SRBD1: variants seen among roughly 807,000 people sequenced by gnomAD.
The protein encoded by SRBD1 is S1 RNA-binding domain-containing protein 1.
A neutral mutation model predicts 115.3 loss-of-function variants in SRBD1; 88 were observed. The ratio of observed to expected loss-of-function variants is 0.76; its 90% CI spans 0.64 to 0.91. SRBD1 has a LOEUF of 0.91. Among genes scored for constraint, SRBD1 ranks in the 40% least tolerant of loss-of-function variants. The pLI, the probability that SRBD1 is intolerant of heterozygous loss-of-function variation, is 0.00. For missense variants in SRBD1, 1,385 were observed against 1,177.4 expected, an observed-to-expected ratio of 1.18 and a Z score of -2.58; for synonymous variants, 509 against 407.7, an observed-to-expected ratio of 1.25 and a Z score of -2.99.
chr2:45,482,495 A>G (rs745607070), intron 15 of SRBD1, among the ~76,000 whole-genome samples: 19 of 152,056 alleles, frequency 1.2e-4, no homozygotes, highest in Middle Eastern at 3.2e-3. Context: ...GAAAGGGTAC[A>G]TAATTGTAGT....
At chr2:45,450,138 T>A (rs1245988376) in intron 16 of SRBD1, among the ~76,000 whole-genome samples, 1 of 152,144 alleles carries the variant, frequency 6.6e-6, no homozygotes, top group African/African-American at 2.4e-5. Flanking sequence ...ATTCATCTCG[T>A]GAGAGTGTTA....
At chr2:45,483,000 T>C (rs1670013363) in intron 15 of SRBD1, among the ~76,000 whole-genome samples, 2 of 152,172 alleles carry the variant, frequency 1.3e-5, no homozygotes, top group Admixed American at 6.5e-5. Flanking sequence ...TTCAATCCAC[T>C]GTTGAATCCG....
In SRBD1 at chr2:45,581,769, T is replaced by C. The variant is rs754905483; in HGVS notation, c.857A>G (p.Lys286Arg). 83 of 1,613,482 alleles carry C rather than the reference T, an allele frequency of 5.1e-5. 2 individuals are homozygous for C. In the South Asian group the frequency reaches 8.8e-4, roughly 17 times the overall value. The change falls in exon 6 of 21, where the codon AAG becomes AGG. Residue 286 changes from lysine to arginine, a missense_variant. Transcript: ENST00000263736. The stretch of plus-strand genomic sequence containing the variant: ...GCACTCAGACATCTTCCCTTCCTTC[T>C]TAATTTTCTGGATTGTACTATGAAC... ...KKVHSTIQKI[K>R]KEGKMSECLL...
chr2:45,487,092 T>G (rs1670144631), intron 15 of SRBD1, among the ~76,000 whole-genome samples: 1 of 152,146 alleles, frequency 6.6e-6, no homozygotes, highest in Admixed American at 6.5e-5. Flanking sequence ...ATGAAACAAC[T>G]AAAGGGAAAC....
chr2:45,546,105 A>T (rs1672111845), intron 14 of SRBD1: 7 of 936,458 alleles, frequency 7.5e-6, no homozygotes, highest in African/African-American at 3.6e-5. Flanking sequence ...GAAAAGGAAG[A>T]CATGACTATT....
chr2:45,442,280 A>T (rs1668692478), intron 16 of SRBD1, among the ~76,000 whole-genome samples: 1 of 152,216 alleles, frequency 6.6e-6, no homozygotes, highest in African/African-American at 2.4e-5. Context: ...CCTCTAACAG[A>T]AAGGTCCAAC....
chr2:45,478,238 C>G (rs919923283), intron 15 of SRBD1, among the ~76,000 whole-genome samples: 1 of 152,048 alleles, frequency 6.6e-6, no homozygotes, highest in African/African-American at 2.4e-5. Flanking sequence ...CAAAGAAAAT[C>G]CTATGCCTGT....
chr2:45,415,866 G>T (rs889330473), intron 18 of SRBD1, among the ~76,000 whole-genome samples: 1 of 151,424 alleles, frequency 6.6e-6, no homozygotes, highest in African/African-American at 2.4e-5. Flanking sequence ...GAGGCAGAGA[G>T]AGTTGAAGAG....
At chr2:45,601,312 A>AC (rs753519889) in intron 3 of SRBD1, among the ~76,000 whole-genome samples, 2 of 152,242 alleles carry the variant, frequency 1.3e-5, no homozygotes, top group African/African-American at 4.8e-5. Flanking sequence ...TCCAAGGAGA[A>AC]CGAAATGCTG....
At chr2:45,605,488 C>T in intron 1 of SRBD1, 47 bp from the exon 2 acceptor site, 1 of 1,547,628 alleles carries the variant, frequency 6.5e-7, no homozygotes, top group South Asian at 1.1e-5. Flanking sequence ...ATATTCTTAT[C>T]ACTTTATTTG....
intron 16 of SRBD1, among the ~76,000 whole-genome samples, chr2:45,453,268 G>GGA (rs1669050333): frequency 7.8e-6 from 1 of 127,430 alleles, no homozygotes; most frequent in Non-Finnish European, 1.6e-5. Context: ...CTGCTATAAG[G>GGA]AAAAAAAAAA....
chr2:45,556,622 C>T (rs1474467152), intron 10 of SRBD1, among the ~76,000 whole-genome samples: 1 of 151,792 alleles, frequency 6.6e-6, no homozygotes, highest in East Asian at 1.9e-4. Context: ...GCCATCCCGC[C>T]CAGCTAATTT....
chr2:45,599,357 C>A, intron 4 of SRBD1, 92 bp downstream of exon 4: 2 of 1,492,328 alleles, frequency 1.3e-6, no homozygotes, highest in Middle Eastern at 1.8e-4. Context: ...AATTGAAAAC[C>A]CCCAGCCCTT....
intron 16 of SRBD1, among the ~76,000 whole-genome samples, chr2:45,467,019 T>C (rs556726144): frequency 1.9e-4 from 29 of 152,326 alleles, no homozygotes; most frequent in Admixed American, 5.2e-4. Flanking sequence ...ATAGTCAAGT[T>C]TGAGGAGCAT....
intron 10 of SRBD1, among the ~76,000 whole-genome samples, chr2:45,555,663 T>C (rs573152471): frequency 1.0e-4 from 15 of 150,238 alleles, no homozygotes; most frequent in African/African-American, 3.4e-4. Flanking sequence ...ATTTTTTGTT[T>C]TTGTATTTTT....
At position 45,546,718 on chromosome 2, in the gene SRBD1, T is replaced by C. The variant is rs767483910; in HGVS notation, c.1874+14A>G. 43 of 1,611,266 alleles carry C rather than the reference T, an allele frequency of 2.7e-5. No individual in the cohort carries two copies. The highest frequency in any genetic ancestry group is 3.6e-5 in the Non-Finnish European group (42 of 1,177,596). On this transcript the variant is annotated intron_variant, in intron 14 of 20. Transcript: ENST00000263736. ...ATGCTTCTCCAAGAAAAGAGATATATGTAATAGCCTTACCAGTAAACAACA... is the reference window on the plus strand; with the variant it reads ...ATGCTTCTCCAAGAAAAGAGATATACGTAATAGCCTTACCAGTAAACAACA...
At chr2:45,524,986 C>T (rs1484147055) in intron 14 of SRBD1, among the ~76,000 whole-genome samples, 2 of 151,922 alleles carry the variant, frequency 1.3e-5, no homozygotes, top group African/African-American at 4.8e-5. Context: ...AATAAACACA[C>T]ATGTCTACGG....
chr2:45,600,893 C>A (rs1253717530), intron 3 of SRBD1, among the ~76,000 whole-genome samples: 1 of 152,074 alleles, frequency 6.6e-6, no homozygotes, highest in East Asian at 1.9e-4. Flanking sequence ...ATATTAAGAA[C>A]TACAATAAAG....
At chr2:45,461,488 T>C (rs1669315289) in intron 16 of SRBD1, among the ~76,000 whole-genome samples, 2 of 152,196 alleles carry the variant, frequency 1.3e-5, no homozygotes. Context: ...GGTCTTTCAA[T>C]GGCTGTTTAT....
Sources: allele counts gnomAD v4.1 joint callset (sites outside exome capture counted in the v4.1 genomes callset), GRCh38; gene constraint gnomAD v4.1.1; transcripts MANE v1.5; gene names NCBI Gene and HGNC (gene_info 2026-07-23, HGNC 2026-07-21).